Variants in MRPL39 observed in about 807,000 individuals in gnomAD.
The protein encoded by MRPL39 is large ribosomal subunit protein mL39.
MRPL39 carries 35 observed loss-of-function variants against 44.5 expected under a neutral mutation model. That is an observed-to-expected ratio of 0.79 (90% CI 0.60 to 1.04). The LOEUF is 1.04. Ranked by LOEUF, MRPL39 falls within the 50% of genes least tolerant of loss-of-function variation. The pLI, the probability that MRPL39 is intolerant of heterozygous loss-of-function variation, is 0.00. For synonymous variants in MRPL39, 139 were observed against 136.1 expected, an observed-to-expected ratio of 1.02 and a Z score of -0.15; for missense variants, 433 against 413.5, an observed-to-expected ratio of 1.05 and a Z score of -0.41.
At chr21:25,597,441 G>T in intron 5 of MRPL39, 27 bp from the exon 6 acceptor site, 1 of 1,294,418 alleles carries the variant, frequency 7.7e-7, no homozygotes, top group Non-Finnish European at 1.1e-6. Context: ...ATAACCTTTA[G>T]TAACAATTCA....
chr21:25,592,090 T>C (rs1470549036), intron 8 of MRPL39, among the ~76,000 whole-genome samples: 2 of 152,190 alleles, frequency 1.3e-5, no homozygotes, highest in Admixed American at 1.3e-4. Flanking sequence ...TTTGATCCCA[T>C]TCATACAATA....
rs570681426 is a variant in MRPL39 at position 25,605,675 on chromosome 21, G to A, written c.280+774C>T. On this transcript the variant is annotated intron_variant, in intron 2 of 9. Transcript: ENST00000352957. ...AATTCCAGCTACTTGGGAGGCTGAA[G>A]CAGGAGGAGAGCTTGAGGTCAGAAG... 1.7e-4 allele frequency among the ~76,000 whole-genome samples: 26 copies of A among 152,264 alleles called. No individual in the cohort carries two copies. The South Asian group carries it at 2.7e-3, about 16-fold the overall frequency.
intron 8 of MRPL39, among the ~76,000 whole-genome samples, chr21:25,589,226 A>T (rs1389133364): frequency 6.6e-6 from 1 of 152,160 alleles, no homozygotes; most frequent in Non-Finnish European, 1.5e-5. Context: ...AATCTGCCCT[A>T]CTTTCCCATA....
At chr21:25,604,184 A>C (rs528115896) in intron 2 of MRPL39, among the ~76,000 whole-genome samples, 120 of 152,174 alleles carry the variant, frequency 7.9e-4, no homozygotes, top group South Asian at 2.7e-3. Flanking sequence ...GCTTGAACCA[A>C]GATGGCAGAG....
In MRPL39 at chr21:25,606,461, T is replaced by A. The variant is rs1332204880; in HGVS notation, c.268A>T (p.Ser90Cys). ...VMNKNISTPY[S>C]CAMHLSEWYC... The stretch of plus-strand genomic sequence containing the variant: ...TTCTGCTACTTACGCATGGCACAAC[T>A]GTAGGGAGTTGAAATGTTTTTATTC... Residue 90 changes from serine to cysteine, a missense_variant, in exon 2 of 10, where the codon AGT becomes TGT. Physicochemically the swap from Ser to Cys is moderately radical, Grantham distance 112. Transcript: ENST00000352957. 2 of 1,607,734 alleles carry A rather than the reference T, an allele frequency of 1.2e-6. No homozygotes were observed. The highest frequency in any genetic ancestry group is 1.7e-5 in the Admixed American group (1 of 59,178).
At chr21:25,589,126 A>G (rs1568859959) in intron 8 of MRPL39, among the ~76,000 whole-genome samples, 1 of 152,220 alleles carries the variant, frequency 6.6e-6, no homozygotes, top group Non-Finnish European at 1.5e-5. Flanking sequence ...TTAAGAAAAA[A>G]ACGCTTAAGG....
intron 8 of MRPL39, 108 bp downstream of exon 8, chr21:25,592,704 T>A: frequency 1.2e-6 from 1 of 838,068 alleles, no homozygotes; most frequent in East Asian, 3.0e-5. Flanking sequence ...TAGTGTCACA[T>A]AACTTAAGAA....
chr21:25,594,957 C>A (rs1431939553), intron 6 of MRPL39, among the ~76,000 whole-genome samples: 1 of 152,186 alleles, frequency 6.6e-6, no homozygotes, highest in Non-Finnish European at 1.5e-5. Flanking sequence ...TCCTTGATTC[C>A]TTTCTCCTAC....
chr21:25,603,263 G>A (rs2031572116), intron 3 of MRPL39, among the ~76,000 whole-genome samples: 1 of 152,088 alleles, frequency 6.6e-6, no homozygotes, highest in Non-Finnish European at 1.5e-5. Flanking sequence ...AGGCCAAGCT[G>A]GAAAGGCAGG....
In MRPL39 at chr21:25,607,389, C is replaced by T. The variant is rs2031717821; in HGVS notation, c.73+14G>A. The T allele has an allele frequency of 1.2e-6, 2 of 1,613,740 alleles. No homozygotes were observed. The highest frequency in any genetic ancestry group is 1.7e-6 in the Non-Finnish European group (2 of 1,179,964). The stretch of plus-strand genomic sequence containing the variant: ...TAGGCCTCGCTCCCTGTCCCTACGG[C>T]CTCTGAAACTCACTCCATTTGATCC... On this transcript the variant is annotated intron_variant, in intron 1 of 9. Transcript: ENST00000352957.
At position 25,588,828 on chromosome 21, in the gene MRPL39, CACTT is replaced by C. The variant is rs1299019398; in HGVS notation, c.969+3_969+6del. The C allele has an allele frequency of 4.3e-6, 7 of 1,610,564 alleles. No individual in the cohort carries two copies. The highest frequency in any genetic ancestry group is 2.2e-5 in the East Asian group (1 of 44,766). On this transcript the variant is annotated splice_donor_5th_base_variant and intron_variant, in intron 9 of 9. Coordinates refer to ENST00000352957, the MANE Select transcript of MRPL39 (RefSeq NM_017446.4). ...AAGAGTACTCAATAGCTGTCAAAAA[CACTT>C]ACCATTTTCCGAGATCTTTCCAATA...
chr21:25,596,138 G>T (rs981528693), intron 6 of MRPL39, among the ~76,000 whole-genome samples: 1 of 149,826 alleles, frequency 6.7e-6, no homozygotes, highest in Admixed American at 6.7e-5. Flanking sequence ...TCGCTCTTTC[G>T]CCCAGGCCGG....
Position 25,585,740 on chromosome 21 carries a change from T to C in MRPL39, c.984A>G (p.Gln328=), listed in dbSNP as rs1207748824. Reference sequence around the variant, plus strand: ...ATGTACATTCCTCTGTTGCTTTACTTTGATCTTCAGTTACCTGTAAAAACA... The same window carrying C: ...ATGTACATTCCTCTGTTGCTTTACTCTGATCTTCAGTTACCTGTAAAAACA... ...ERSRKMVTED[Q]SKATEECTST The change falls in exon 10 of 10, where the codon CAA becomes CAG. Residue 328 remains glutamine (Q), a synonymous_variant. Coordinates refer to ENST00000352957, the MANE Select transcript of MRPL39 (RefSeq NM_017446.4). 1.9e-6 allele frequency: 3 copies of C among 1,581,144 alleles called. No individual in the cohort carries two copies. The highest frequency in any genetic ancestry group is 1.7e-5 in the Admixed American group (1 of 57,826).
intron 3 of MRPL39, among the ~76,000 whole-genome samples, chr21:25,602,898 G>T (rs981654639): frequency 2.0e-5 from 3 of 152,142 alleles, no homozygotes; most frequent in Non-Finnish European, 4.4e-5. Flanking sequence ...ATCTCATCTC[G>T]AACGAAGGAG....
chr21:25,602,768 G>A (rs1019420357), intron 3 of MRPL39, among the ~76,000 whole-genome samples: 1 of 152,170 alleles, frequency 6.6e-6, no homozygotes. Context: ...AGATAAATAG[G>A]ATTTTAATAG....
chr21:25,600,030 A>G (rs2829828), intron 4 of MRPL39, among the ~76,000 whole-genome samples, 164 bp from the exon 5 acceptor site: 106,725 of 152,140 alleles, frequency 0.7, 38,902 homozygotes, highest in Non-Finnish European at 0.82. Context: ...CCAGAGCTCT[A>G]TCAAATTTCC....
intron 6 of MRPL39, among the ~76,000 whole-genome samples, chr21:25,596,349 C>T (rs552400230): frequency 7.2e-5 from 11 of 152,348 alleles, no homozygotes; most frequent in African/African-American, 1.2e-4. Flanking sequence ...CTGCCCGCCT[C>T]GGCCTCCCAA....
Position 25,601,387 on chromosome 21 carries a change from G to A in MRPL39, c.501C>T (p.Val167=), listed in dbSNP as rs968477256. The A allele has an allele frequency of 3.1e-6, 5 of 1,609,492 alleles. No homozygotes were observed. In the African/African-American group the frequency reaches 4.0e-5, roughly 13 times the overall value. Residue 167 remains valine, a synonymous_variant, in exon 4 of 10, where the codon GTC becomes GTT. Coordinates refer to ENST00000352957, the MANE Select transcript of MRPL39 (RefSeq NM_017446.4). ...AFKDEYMVNL[V]RAPEVPVISG... is the part of the protein sequence containing the mutation. ...CACTACCAGGAACTTCTGGAGCTCT[G>A]ACCAAATTGACCATATATTCATCTT...
At chr21:25,607,642 C>G, upstream of MRPL39, 1 of 681,404 alleles carries the variant, frequency 1.5e-6, no homozygotes, top group South Asian at 2.0e-5. Flanking sequence ...TGGCTGAGAC[C>G]CCGAGACTCG....
Sources: allele counts gnomAD v4.1 joint callset (sites outside exome capture counted in the v4.1 genomes callset), GRCh38; gene constraint gnomAD v4.1.1; transcripts MANE v1.5; gene names NCBI Gene and HGNC (gene_info 2026-07-23, HGNC 2026-07-21).